KIF1B: variants seen among roughly 807,000 people sequenced by gnomAD.
The protein encoded by KIF1B is kinesin family member 1B.
In KIF1B, 76 loss-of-function variants were observed where a neutral mutation model predicts 241.9. That is an observed-to-expected ratio of 0.31 (90% CI 0.26 to 0.38). KIF1B has a LOEUF of 0.38. Among genes scored for constraint, KIF1B ranks in the 10% least tolerant of loss-of-function variants. The pLI is 1.00. For missense variants in KIF1B, 1,622 were observed against 2,271.4 expected (o/e 0.71, Z 5.81); for synonymous variants, 750 against 796.7 (o/e 0.94, Z 0.99).
intron 22 of KIF1B, among the ~76,000 whole-genome samples, chr1:10,300,204 T>G (rs966742297): frequency 1.3e-5 from 2 of 148,910 alleles, no homozygotes; most frequent in Non-Finnish European, 3.0e-5. Context: ...GCAACTGCAC[T>G]CAAGCCTGGG....
chr1:10,246,207 C>A (rs1647209332), intron 2 of KIF1B, among the ~76,000 whole-genome samples: 1 of 152,154 alleles, frequency 6.6e-6, no homozygotes, highest in South Asian at 2.1e-4. Context: ...CAGAGTGGCT[C>A]CTCCTTTATT....
At chr1:10,262,000 G>GCC (rs747453312) in intron 5 of KIF1B, 30 bp downstream of exon 5, 4 of 1,462,268 alleles carry the variant, frequency 2.7e-6, no homozygotes, top group Non-Finnish European at 3.8e-6. Context: ...GACACCGTAA[G>GCC]CCCTTGTTTT....
chr1:10,339,916 C>T (rs1226281176), intron 32 of KIF1B, 57 bp downstream of exon 32: 16 of 1,415,746 alleles, frequency 1.1e-5, no homozygotes, highest in Non-Finnish European at 1.6e-5. Context: ...TTGGCTTTCT[C>T]AGCCCGGGAA....
intron 2 of KIF1B, among the ~76,000 whole-genome samples, chr1:10,253,278 G>A (rs1017849316): frequency 6.6e-6 from 1 of 152,098 alleles, no homozygotes; most frequent in Non-Finnish European, 1.5e-5. Flanking sequence ...TAACCTCTCT[G>A]TGATGGTTTA....
intron 15 of KIF1B, 141 bp from the exon 16 acceptor site, chr1:10,290,941 A>T (rs1248439675): frequency 1.5e-6 from 1 of 645,312 alleles, no homozygotes; most frequent in Non-Finnish European, 2.8e-6. Context: ...TTCTTATCTT[A>T]TGTATTAATA....
chr1:10,220,204 CAA>C (rs36083785), intron 1 of KIF1B, among the ~76,000 whole-genome samples: 22 of 105,726 alleles, frequency 2.1e-4, no homozygotes, highest in Admixed American at 6.0e-4. Context: ...AACTCCGTCT[CAA>C]AAAAAAAAAA....
At position 10,301,615 on chromosome 1, in the gene KIF1B, G is replaced by A. The variant is rs1285898858; in HGVS notation, c.2115+4369G>A. ...CAAGAGGTGGAGGTTGCAGTGAGCC[G>A]AGATCGGGCACTCCAGCCTGGGCGA... On this transcript the variant is annotated intron_variant, in intron 22 of 48. Transcript: ENST00000676179. Among the ~76,000 whole-genome samples, 12 of 152,036 alleles carry A rather than the reference G, an allele frequency of 7.9e-5. No homozygotes were observed. The East Asian group carries it at 2.3e-3, about 29-fold the overall frequency.
In KIF1B at chr1:10,375,760, ATTTTTCTTTTCT is replaced by A. The variant is rs1232399464; in HGVS notation, c.5408+401_5408+412del. 8.5e-3 allele frequency among the ~76,000 whole-genome samples: 1,135 copies of A among 132,984 alleles called. 14 individuals carry two copies. The highest frequency in any genetic ancestry group is 0.035 in the Middle Eastern group (8 of 226). 87.2% of individuals were successfully genotyped at this position (132,984 alleles called of 152,430 possible). On this transcript the variant is annotated intron_variant, in intron 48 of 48. Coordinates refer to ENST00000676179, the MANE Select transcript of KIF1B (RefSeq NM_001365951.3). ...TATCAGGATAAATAGGAAAGGAAGAATTTTTCTTTTCTTTTTTCTTTTCTTGTTTTTTTTTTT... is the reference window on the plus strand; with the variant it reads ...TATCAGGATAAATAGGAAAGGAAGAATTTTTCTTTTCTTGTTTTTTTTTTT...
chr1:10,274,555 A>G (rs1267944042), intron 10 of KIF1B, among the ~76,000 whole-genome samples: 2 of 152,188 alleles, frequency 1.3e-5, no homozygotes, highest in Non-Finnish European at 2.9e-5. Flanking sequence ...CCTTTCAAAG[A>G]GACCAAATAA....
chr1:10,273,934 C>CTTTT (rs35845856), intron 10 of KIF1B, among the ~76,000 whole-genome samples: 3,313 of 116,644 alleles, frequency 0.028, 69 homozygotes, highest in Middle Eastern at 0.062. Flanking sequence ...TTAGTAGCTT[C>CTTTT]TTTTTTTTTT....
At chr1:10,236,273 A>AAACAACAACAACAACAAC (rs367849877) in intron 2 of KIF1B, among the ~76,000 whole-genome samples, 1 of 94,038 alleles carries the variant, frequency 1.1e-5, no homozygotes, top group African/African-American at 2.9e-5. Flanking sequence ...CTCCATCCCA[A>AAACAACAACAACAACAAC]AACAACAACA....
At chr1:10,301,578 A>C (rs1164192865) in intron 22 of KIF1B, among the ~76,000 whole-genome samples, 1 of 152,132 alleles carries the variant, frequency 6.6e-6, no homozygotes, top group Non-Finnish European at 1.5e-5. Context: ...AGGCAGGAGA[A>C]TTACTTGAAC....
intron 22 of KIF1B, chr1:10,308,679 T>C (rs1358539987): frequency 2.1e-6 from 2 of 952,074 alleles, no homozygotes; most frequent in Non-Finnish European, 2.5e-6. Flanking sequence ...CTTTTATTTA[T>C]TGCTTTTTCA....
chr1:10,308,054 C>T (rs1650913516), intron 22 of KIF1B: 1 of 1,058,354 alleles, frequency 9.4e-7, no homozygotes, highest in Non-Finnish European at 1.1e-6. Flanking sequence ...GAATTTTTCA[C>T]ACCTATGTCT....
chr1:10,220,866 C>G (rs1186186327), intron 1 of KIF1B, among the ~76,000 whole-genome samples: 1 of 151,690 alleles, frequency 6.6e-6, no homozygotes, highest in East Asian at 1.9e-4. Flanking sequence ...TTTCACCATG[C>G]TGGCCAGGCT....
chr1:10,296,511 A>G (rs1380456700), intron 19 of KIF1B, 71 bp from the exon 20 acceptor site: 1 of 1,276,624 alleles, frequency 7.8e-7, no homozygotes, highest in Non-Finnish European at 1.1e-6. Context: ...AATCCTGATA[A>G]GCAACTGCTT....
At chr1:10,234,060 T>TA (rs1647017266) in intron 2 of KIF1B, among the ~76,000 whole-genome samples, 1 of 152,202 alleles carries the variant, frequency 6.6e-6, no homozygotes, top group African/African-American at 2.4e-5. Context: ...TTTTCCACCA[T>TA]AATTTGTCCA....
chr1:10,230,489 G>A (rs1482058860), intron 1 of KIF1B, among the ~76,000 whole-genome samples: 1 of 149,798 alleles, frequency 6.7e-6, no homozygotes, highest in Non-Finnish European at 1.5e-5. Context: ...AGGCTGGAGT[G>A]CAGTGGTGCG....
intron 14 of KIF1B, among the ~76,000 whole-genome samples, chr1:10,280,919 T>G (rs1036078952): frequency 2.0e-5 from 3 of 152,200 alleles, no homozygotes; most frequent in Non-Finnish European, 4.4e-5. Context: ...CTATTTCTCT[T>G]TATTCCTTTT....
Sources: allele counts gnomAD v4.1 joint callset (sites outside exome capture counted in the v4.1 genomes callset), GRCh38; gene constraint gnomAD v4.1.1; transcripts MANE v1.5; gene names NCBI Gene and HGNC (gene_info 2026-07-23, HGNC 2026-07-21).